The following HIVEP2 variants were observed in gnomAD, a reference collection of about 807,000 sequenced individuals.
The protein encoded by HIVEP2 is transcription factor HIVEP2.
A neutral mutation model predicts 180.7 loss-of-function variants in HIVEP2; 14 were observed. The ratio of observed to expected loss-of-function variants is 0.08; its 90% CI spans 0.05 to 0.12. The LOEUF is 0.12. Among genes scored for constraint, HIVEP2 ranks in the 10% least tolerant of loss-of-function variants. The pLI is 1.00. For synonymous variants in HIVEP2, 1,184 were observed against 1,136.4 expected, an observed-to-expected ratio of 1.04 and a Z score of -0.84; for missense variants, 2,579 against 3,008.5, an observed-to-expected ratio of 0.86 and a Z score of 3.34.
chr6:142,758,431 A>C (rs977267861), intron 9 of HIVEP2, among the ~76,000 whole-genome samples: 1 of 152,186 alleles, frequency 6.6e-6, no homozygotes, highest in African/African-American at 2.4e-5. Flanking sequence ...ATTGGCTGCC[A>C]GGGCAGTGAT....
chr6:142,757,998 T>G (rs1314670189), intron 9 of HIVEP2, among the ~76,000 whole-genome samples: 1 of 152,090 alleles, frequency 6.6e-6, no homozygotes, highest in Non-Finnish European at 1.5e-5. Context: ...GAACACAAGC[T>G]GCAGGGATGG....
At chr6:142,870,287 A>G (rs932153499) in intron 1 of HIVEP2, among the ~76,000 whole-genome samples, 2 of 152,164 alleles carry the variant, frequency 1.3e-5, no homozygotes, top group Non-Finnish European at 2.9e-5. Context: ...ACTCTCACTG[A>G]CCACATGCCT....
intron 6 of HIVEP2, among the ~76,000 whole-genome samples, chr6:142,767,059 A>G (rs1775396764): frequency 6.6e-6 from 1 of 152,200 alleles, no homozygotes; most frequent in East Asian, 1.9e-4. Flanking sequence ...CTTTTGGATC[A>G]CCAAAACACA....
At chr6:142,903,777 T>C (rs888529410) in intron 1 of HIVEP2, among the ~76,000 whole-genome samples, 2 of 152,172 alleles carry the variant, frequency 1.3e-5, no homozygotes, top group African/African-American at 4.8e-5. Context: ...AACAAGGATG[T>C]CTTCTTAGAG....
At chr6:142,859,185 G>T (rs1452060754) in intron 1 of HIVEP2, among the ~76,000 whole-genome samples, 2 of 151,954 alleles carry the variant, frequency 1.3e-5, no homozygotes, top group African/African-American at 4.8e-5. Flanking sequence ...AAAGTCTGAG[G>T]CATTTCCTCA....
Position 142,771,126 on chromosome 6 carries a change from A to G in HIVEP2, c.3613T>C (p.Leu1205=). ...ACTGTAGGATACTGAAACTGAAACAAGGCATTCTGGATTGGAGAAAATGGA... is the reference window on the plus strand; with the variant it reads ...ACTGTAGGATACTGAAACTGAAACAGGGCATTCTGGATTGGAGAAAATGGA... ...TIPFSPIQNA[L]FQFQYPTVCM... The change falls in exon 5 of 10, where the codon TTG becomes CTG. Residue 1205 remains leucine, a synonymous_variant. Coordinates refer to ENST00000367603, the MANE Select transcript of HIVEP2 (RefSeq NM_006734.4). This position sits in a 1 kb window ranked among gnomAD's most constrained non-coding sequence, Gnocchi z 5.4. 1 of 1,614,250 alleles carries G rather than the reference A, an allele frequency of 6.2e-7. No homozygotes were observed. Among genetic ancestry groups the G allele is most frequent in the Non-Finnish European group, 8.5e-7 (1 of 1,180,040 alleles).
intron 2 of HIVEP2, among the ~76,000 whole-genome samples, chr6:142,797,370 T>A (rs1409613461): frequency 6.6e-6 from 1 of 152,182 alleles, no homozygotes; most frequent in Non-Finnish European, 1.5e-5. Flanking sequence ...CAAATAGTTG[T>A]AACTCATCAA....
intron 1 of HIVEP2, among the ~76,000 whole-genome samples, chr6:142,933,899 C>G (rs1382907932): frequency 6.6e-6 from 1 of 152,168 alleles, no homozygotes; most frequent in African/African-American, 2.4e-5. Context: ...AAACAGATTA[C>G]AAATCCAAAA....
intron 1 of HIVEP2, among the ~76,000 whole-genome samples, chr6:142,919,861 T>G (rs902684689): frequency 4.6e-5 from 7 of 152,332 alleles, no homozygotes; most frequent in African/African-American, 1.2e-4. Context: ...GTAAGCAAAC[T>G]CTACATTGGT....
intron 1 of HIVEP2, among the ~76,000 whole-genome samples, chr6:142,882,764 T>C (rs1484998725): frequency 6.6e-6 from 1 of 152,170 alleles, no homozygotes; most frequent in African/African-American, 2.4e-5. Context: ...CTCTTTATCG[T>C]TTACATAACG....
At chr6:142,798,557 C>A (rs1259483500) in intron 2 of HIVEP2, among the ~76,000 whole-genome samples, 2 of 152,062 alleles carry the variant, frequency 1.3e-5, no homozygotes, top group African/African-American at 4.8e-5. Context: ...GGCATGAAAC[C>A]AAGAAATAGC....
rs140415644 is a variant in HIVEP2 at position 142,805,688 on chromosome 6, T to A, written c.-527-22073A>T. ...TGTCTCCTGACCTAGCTCTACCATCTCATCAACTTGCTGAGCTCATATTTA... is the reference window on the plus strand; with the variant it reads ...TGTCTCCTGACCTAGCTCTACCATCACATCAACTTGCTGAGCTCATATTTA... On this transcript the variant is annotated intron_variant, in intron 2 of 9. Coordinates refer to ENST00000367603, the MANE Select transcript of HIVEP2 (RefSeq NM_006734.4). Among the ~76,000 whole-genome samples, 233 of 152,216 alleles carry A rather than the reference T, an allele frequency of 1.5e-3. 2 individuals are homozygous for A. In the East Asian group the frequency reaches 0.017, roughly 11 times the overall value.
At chr6:142,822,440 A>T (rs1187612244) in intron 2 of HIVEP2, among the ~76,000 whole-genome samples, 16 of 152,362 alleles carry the variant, frequency 1.1e-4, no homozygotes. Flanking sequence ...TCATAAAGAC[A>T]CTTTGAGATA....
chr6:142,857,709 A>C (rs1775859171), intron 1 of HIVEP2, among the ~76,000 whole-genome samples: 1 of 152,156 alleles, frequency 6.6e-6, no homozygotes, highest in African/African-American at 2.4e-5. Context: ...TTTTCTTTTT[A>C]ATTGTTGAAG....
chr6:142,920,498 A>C (rs185556893), intron 1 of HIVEP2, among the ~76,000 whole-genome samples: 7 of 152,228 alleles, frequency 4.6e-5, no homozygotes, highest in Admixed American at 4.6e-4. Context: ...GGGAGAACTC[A>C]TTTGGAAATT....
chr6:142,793,130 C>A (rs561572491), intron 2 of HIVEP2, among the ~76,000 whole-genome samples: 11 of 152,148 alleles, frequency 7.2e-5, no homozygotes, highest in South Asian at 2.1e-4. Flanking sequence ...TAACCATATC[C>A]AAATAATTTA....
intron 1 of HIVEP2, among the ~76,000 whole-genome samples, chr6:142,860,662 G>A (rs1352331955): frequency 2.6e-5 from 4 of 152,106 alleles, no homozygotes; most frequent in African/African-American, 4.8e-5. Flanking sequence ...TTCACAATAG[G>A]GTTCACGCTT....
intron 2 of HIVEP2, among the ~76,000 whole-genome samples, chr6:142,834,358 A>G (rs372462754): frequency 2.0e-4 from 30 of 152,194 alleles, no homozygotes; most frequent in East Asian, 1.7e-3. Context: ...CTGACTCCAG[A>G]AATTACTAAC....
chr6:142,923,673 A>G (rs2128435474), intron 1 of HIVEP2, among the ~76,000 whole-genome samples: 1 of 152,320 alleles, frequency 6.6e-6, no homozygotes, highest in East Asian at 1.9e-4. Context: ...AGACAGTGAC[A>G]GCAGATCATT....
Sources: gnomAD v4.1 joint callset for allele counts (sites outside exome capture counted in the v4.1 genomes callset) on GRCh38, gnomAD v4.1.1 for gene constraint, Gnocchi (gnomAD v3.1) non-coding constraint, MANE v1.5 for transcripts, NCBI Gene and HGNC (gene_info 2026-07-23, HGNC 2026-07-21) for gene names.